Variants in ZMYM4 observed in about 807,000 individuals in gnomAD.
ZMYM4 encodes the protein zinc finger MYM-type containing 4, also known as zinc finger MYM-type protein 4.
In ZMYM4, 31 loss-of-function variants were observed where a neutral mutation model predicts 183.2. The observed-to-expected ratio is 0.17, with a 90% CI of 0.13 to 0.23. The LOEUF (loss-of-function observed/expected upper bound fraction) is 0.23. ZMYM4 is among the 10% of genes least tolerant of loss of function. ZMYM4 has a pLI of 1.00. For missense variants in ZMYM4, 1,273 were observed against 1,840.3 expected, an observed-to-expected ratio of 0.69 and a Z score of 5.64; for synonymous variants, 592 against 631.2, an observed-to-expected ratio of 0.94 and a Z score of 0.93.
chr1:35,396,486 T>C, intron 18 of ZMYM4, 66 bp from the exon 19 acceptor site: 1 of 1,588,968 alleles, frequency 6.3e-7, no homozygotes, highest in South Asian at 1.2e-5. Flanking sequence ...CTTTTTTATT[T>C]TGAAATCTTA....
rs771019239 is a variant in ZMYM4 at position 35,415,641 on chromosome 1, G to A, written c.4236G>A (p.Arg1412=). 1 of 1,614,114 alleles carries A rather than the reference G, an allele frequency of 6.2e-7. No individual in the cohort carries two copies. Among genetic ancestry groups the A allele is most frequent in the East Asian group, 2.2e-5 (1 of 44,888 alleles). ...TTGCCCATGTGATGAGACGGACCAG[G>A]ACTCTGAAGTACAGTACCAAGATGA... ...LSFAHVMRRT[R]TLKYSTKMTY... is the part of the protein sequence containing the mutation. The change falls in exon 28 of 30, where the codon AGG becomes AGA. Residue 1412 remains arginine, a synonymous_variant. Coordinates refer to ENST00000314607, the MANE Select transcript of ZMYM4 (RefSeq NM_005095.3).
chr1:35,276,055 A>G (rs1006161448), intron 1 of ZMYM4, among the ~76,000 whole-genome samples: 2 of 152,096 alleles, frequency 1.3e-5, no homozygotes, highest in East Asian at 1.9e-4. Flanking sequence ...GTTTTGGTCT[A>G]TCCAGCGTAT....
At chr1:35,269,178 G>A (rs1639464775) in intron 1 of ZMYM4, 93 bp downstream of exon 1, 2 of 1,480,488 alleles carry the variant, frequency 1.4e-6, no homozygotes, top group African/African-American at 2.9e-5. Context: ...AGGGGTCGCC[G>A]AGGCCCAGTT....
At chr1:35,296,513 A>T (rs1641015744) in intron 1 of ZMYM4, among the ~76,000 whole-genome samples, 1 of 152,110 alleles carries the variant, frequency 6.6e-6, no homozygotes, top group African/African-American at 2.4e-5. Flanking sequence ...AAATCTTGGA[A>T]TTTTTTGGCC....
intron 1 of ZMYM4, 23 bp from the exon 2 acceptor site, chr1:35,325,337 T>G (rs747697140): frequency 1.4e-5 from 22 of 1,597,822 alleles, no homozygotes; most frequent in Non-Finnish European, 1.7e-5. Context: ...GTAATGTTAC[T>G]TTTTCCTTTT....
At chr1:35,370,690 T>C (rs1644185332) in intron 7 of ZMYM4, 63 bp downstream of exon 7, 4 of 1,428,362 alleles carry the variant, frequency 2.8e-6, no homozygotes, top group Admixed American at 2.4e-5. Context: ...ACTTTGTTCT[T>C]AGGTCATGTA....
Position 35,397,544 on chromosome 1 carries a change from A to T in ZMYM4, c.3198A>T (p.Gly1066=), listed in dbSNP as rs1304680451. The T allele has an allele frequency of 7.5e-6, 12 of 1,603,530 alleles. No homozygotes were observed. Among genetic ancestry groups the T allele is most frequent in the African/African-American group, 1.3e-5 (1 of 74,284 alleles). The change falls in exon 20 of 30, where the codon GGA becomes GGT. Residue 1066 remains glycine, a splice_region_variant and synonymous_variant. Transcript: ENST00000314607. Reference sequence around the variant, plus strand: ...AAGAGAAGAAGACTCTATCTCAGGGAGGTTGGTATACTCTTTAAAAGTAAA... The same window carrying T: ...AAGAGAAGAAGACTCTATCTCAGGGTGGTTGGTATACTCTTTAAAAGTAAA... ...EDEEKKTLSQ[G]ESQTSEHELF... is the part of the protein sequence containing the mutation.
rs113696585 is a variant in ZMYM4 at position 35,288,194 on chromosome 1, T to C, written c.39+19109T>C. ...CCTTAGTTCTGGTACTCATTTTGCA[T>C]GTTTTGTCTTTTGACTTTCCTTGCT... On this transcript the variant is annotated intron_variant, in intron 1 of 29. Coordinates refer to ENST00000314607, the MANE Select transcript of ZMYM4 (RefSeq NM_005095.3). 8.5e-5 allele frequency among the ~76,000 whole-genome samples: 13 copies of C among 152,354 alleles called. 2 individuals are homozygous for C. The highest frequency in any genetic ancestry group is 2.6e-4 in the African/African-American group (11 of 41,592).
At chr1:35,343,238 T>C (rs1311393285) in intron 2 of ZMYM4, among the ~76,000 whole-genome samples, 1 of 152,330 alleles carries the variant, frequency 6.6e-6, no homozygotes, top group East Asian at 1.9e-4. Flanking sequence ...GTCTATGCTG[T>C]GTTCTAAGAA....
chr1:35,274,998 A>T (rs1204928379), intron 1 of ZMYM4, among the ~76,000 whole-genome samples: 1 of 152,170 alleles, frequency 6.6e-6, no homozygotes, highest in Non-Finnish European at 1.5e-5. Context: ...ATAATTCTTT[A>T]TCTGGAATGT....
chr1:35,307,214 TAGAG>T (rs1489499393), intron 1 of ZMYM4, among the ~76,000 whole-genome samples: 1 of 152,194 alleles, frequency 6.6e-6, no homozygotes, highest in Non-Finnish European at 1.5e-5. Flanking sequence ...GTAGGCATGA[TAGAG>T]AGACTAACTG....
chr1:35,305,767 T>C (rs1325445441), intron 1 of ZMYM4, among the ~76,000 whole-genome samples: 3 of 152,076 alleles, frequency 2.0e-5, no homozygotes, highest in African/African-American at 7.2e-5. Context: ...CAGGCTGGTC[T>C]CCAACTCCAG....
intron 1 of ZMYM4, among the ~76,000 whole-genome samples, chr1:35,319,216 CAAAA>C (rs1194091188): frequency 6.6e-6 from 1 of 151,918 alleles, no homozygotes; most frequent in Non-Finnish European, 1.5e-5. Flanking sequence ...AGTGTTTTGA[CAAAA>C]AAAGATCATG....
rs1362868267 is a variant in ZMYM4 at position 35,381,601 on chromosome 1, G to A, written c.1412G>A (p.Cys471Tyr). ...NVVHKLCSDA[C>Y]FSKFRSANNL... ...GTCCATAAACTTTGCAGTGATGCCT[G>A]CTTCTCTAAGTTTCGTTCTGCTAAC... The change falls in exon 9 of 30, where the codon TGC becomes TAC. Residue 471 changes from cysteine (C) to tyrosine (Y), a missense_variant. Coordinates refer to ENST00000314607, the MANE Select transcript of ZMYM4 (RefSeq NM_005095.3). The A allele has an allele frequency of 6.2e-7, 1 of 1,614,194 alleles. No individual in the cohort carries two copies. The highest frequency in any genetic ancestry group is 8.5e-7 in the Non-Finnish European group (1 of 1,180,036).
At chr1:35,338,138 T>G (rs1221773693) in intron 2 of ZMYM4, among the ~76,000 whole-genome samples, 1 of 151,710 alleles carries the variant, frequency 6.6e-6, no homozygotes, top group Non-Finnish European at 1.5e-5. Flanking sequence ...AGAAGGGAGG[T>G]CTCTTGGATT....
At chr1:35,418,733 C>G (rs1479363581) in intron 29 of ZMYM4, among the ~76,000 whole-genome samples, 161 bp downstream of exon 29, 1 of 152,144 alleles carries the variant, frequency 6.6e-6, no homozygotes, top group Non-Finnish European at 1.5e-5. Flanking sequence ...TTTTGAACCA[C>G]AAAACAAATT....
At position 35,381,262 on chromosome 1, in the gene ZMYM4, C is replaced by G; in HGVS notation, c.1185C>G (p.Asp395Glu). The stretch of plus-strand genomic sequence containing the variant: ...GTTATTTTTTTCTTATTTTTAGAGA[C>G]ATTTTAAATCCAAAGGATGTGATCA... ...TKKTCSSCSK[D>E]ILNPKDVISA... Residue 395 changes from aspartate to glutamate, a missense_variant, in exon 8 of 30, where the codon GAC (aspartate) becomes GAG (glutamate). Asp to Glu is a conservative substitution (Grantham distance 45, BLOSUM62 2). Coordinates refer to ENST00000314607, the MANE Select transcript of ZMYM4 (RefSeq NM_005095.3). 1 of 1,568,958 alleles carries G rather than the reference C, an allele frequency of 6.4e-7. No individual in the cohort carries two copies. Among genetic ancestry groups the G allele is most frequent in the East Asian group, 2.3e-5 (1 of 44,332 alleles).
chr1:35,319,938 A>C (rs1642213282), intron 1 of ZMYM4, among the ~76,000 whole-genome samples: 1 of 152,228 alleles, frequency 6.6e-6, no homozygotes, highest in Non-Finnish European at 1.5e-5. Flanking sequence ...TAACTAATAG[A>C]AATGATTCTT....
intron 5 of ZMYM4, among the ~76,000 whole-genome samples, chr1:35,367,304 C>T (rs1020027717): frequency 6.6e-5 from 10 of 151,766 alleles, no homozygotes; most frequent in African/African-American, 2.4e-4. Flanking sequence ...GCTGCAACCT[C>T]TGCCCTCCCA....
Sources: allele counts gnomAD v4.1 joint callset (sites outside exome capture counted in the v4.1 genomes callset), GRCh38; gene constraint gnomAD v4.1.1; transcripts MANE v1.5; gene names NCBI Gene and HGNC (gene_info 2026-07-23, HGNC 2026-07-21).